Variants in IDI2 observed in about 807,000 individuals in gnomAD.
IDI2 encodes isopentenyl-diphosphate delta isomerase 2, also known as isopentenyl-diphosphate delta-isomerase 2.
A neutral mutation model predicts 14.8 loss-of-function variants in IDI2; 18 were observed. The observed-to-expected ratio is 1.22, with a 90% CI of 0.84 to 1.80. IDI2 has a LOEUF of 1.80. Ranked by LOEUF, IDI2 falls within the 40% of genes most tolerant of loss-of-function variation. The pLI, the probability that IDI2 is intolerant of heterozygous loss-of-function variation, is 0.00. For missense variants in IDI2, 316 were observed against 283.2 expected (o/e 1.12, Z -0.83); for synonymous variants, 133 against 109.6 (o/e 1.21, Z -1.33).
intron 3 of IDI2, among the ~76,000 whole-genome samples, chr10:1,022,237 T>C (rs1376357665): frequency 6.7e-6 from 1 of 149,728 alleles, no homozygotes. Context: ...CCAGCCTGGG[T>C]GACTGAGCCA....
Position 1,019,484 on chromosome 10 carries a change from C to T in IDI2, c.*33G>A. The T allele has an allele frequency of 6.4e-7, 1 of 1,563,770 alleles. No individual in the cohort carries two copies. Among genetic ancestry groups the T allele is most frequent in the Non-Finnish European group, 8.7e-7 (1 of 1,146,284 alleles). On this transcript the variant is annotated 3_prime_UTR_variant, in exon 5 of 5. Transcript: ENST00000277517. ...ATGGTGCGTCTGCCTGCACTGAGGG[C>T]ATTACACATGGCTGACTCGACCTCC...
At chr10:1,020,635 A>G (rs1005308805) in intron 4 of IDI2, 132 bp downstream of exon 4, 35 of 913,922 alleles carry the variant, frequency 3.8e-5, no homozygotes, top group Non-Finnish European at 8.1e-6. Context: ...AGCCCCATCC[A>G]CAGCCCCATC....
chr10:1,020,082 A>G (rs565189918), intron 4 of IDI2: 6 of 553,518 alleles, frequency 1.1e-5, no homozygotes, highest in Non-Finnish European at 1.9e-5. Flanking sequence ...ACCGTGTCAC[A>G]CACACATCCT....
At chr10:1,025,772 T>G (rs1832206623) in intron 1 of IDI2, 44 bp downstream of exon 1, 1 of 152,110 alleles carries the variant, frequency 6.6e-6, no homozygotes. Flanking sequence ...CAAATTTAGA[T>G]CATAAAAGAA....
rs1293282834 is a variant in IDI2 at position 1,019,400 on chromosome 10, G to A, written c.*117C>T. The stretch of plus-strand genomic sequence containing the variant: ...AAGGTTGAAATAGTGATTTATACAT[G>A]ATGGGCAATCAAGTGCCCCTTTTGC... On this transcript the variant is annotated 3_prime_UTR_variant, in exon 5 of 5. Transcript: ENST00000277517. 5.9e-6 allele frequency: 4 copies of A among 675,812 alleles called. No individual in the cohort carries two copies. Among genetic ancestry groups the A allele is most frequent in the Non-Finnish European group, 9.9e-6 (4 of 402,110 alleles). 41.9% of individuals were successfully genotyped at this position (675,812 alleles called of 1,614,324 possible).
chr10:1,019,644 T>G lies in IDI2; in HGVS notation c.557A>C (p.Glu186Ala). The change falls in exon 5 of 5, where the codon GAG (glutamate) becomes GCG (alanine). Residue 186 changes from glutamate to alanine, a missense_variant. Transcript: ENST00000277517. Reference sequence around the variant, plus strand: ...GGTGACTTTGACTTCACCCCTCGCCTCCCTCTCCAGCAGCTCCCACAGCTC... The same window carrying G: ...GGTGACTTTGACTTCACCCCTCGCCGCCCTCTCCAGCAGCTCCCACAGCTC... ...QEELWELLER[E>A]ARGEVKVTPW... 6.2e-7 allele frequency: 1 copy of G among 1,613,972 alleles called. No individual in the cohort carries two copies. Among genetic ancestry groups the G allele is most frequent in the East Asian group, 2.2e-5 (1 of 44,836 alleles).
Position 1,022,732 on chromosome 10 carries a change from C to A in IDI2, c.186G>T (p.Lys62Asn). ...RAFSVVLFNT[K>N]NRILIQQRSD... Reference sequence around the variant, plus strand: ...ACCTCTGCTGTATCAGGATTCGATTCTTGGTGTTAAACAAGACAACGCTGA... The same window carrying A: ...ACCTCTGCTGTATCAGGATTCGATTATTGGTGTTAAACAAGACAACGCTGA... The change falls in exon 3 of 5, where the codon AAG (lysine) becomes AAT (asparagine). Residue 62 changes from lysine (K) to asparagine (N), a missense_variant. Physicochemically the swap from Lys to Asn is moderately conservative, Grantham distance 94. Transcript: ENST00000277517. 6.2e-7 allele frequency: 1 copy of A among 1,614,200 alleles called. No homozygotes were observed. The highest frequency in any genetic ancestry group is 1.1e-5 in the South Asian group (1 of 91,090).
intron 1 of IDI2, 145 bp from the exon 2 acceptor site, chr10:1,024,889 A>C: frequency 1.3e-6 from 1 of 741,294 alleles, no homozygotes; most frequent in Non-Finnish European, 2.2e-6. Flanking sequence ...GTTCTGAGAT[A>C]TGGAAGGTGA....
chr10:1,021,803 G>A (rs142158675), intron 3 of IDI2, among the ~76,000 whole-genome samples: 11 of 152,296 alleles, frequency 7.2e-5, no homozygotes, highest in Admixed American at 6.5e-5. Context: ...TACCCACTGC[G>A]GCTCCGAGGA....
At chr10:1,022,430 C>T (rs56183119) in intron 3 of IDI2, among the ~76,000 whole-genome samples, 14,676 of 152,060 alleles carry the variant, frequency 0.097, 763 homozygotes, top group African/African-American at 0.13. Context: ...AGTAACTTGC[C>T]GTTGCAAAGA....
Position 1,019,638 on chromosome 10 carries a change from C to G in IDI2, c.563G>C (p.Arg188Thr), listed in dbSNP as rs766204721. ...ELWELLEREA[R>T]GEVKVTPWLR... The stretch of plus-strand genomic sequence containing the variant: ...CCAGGGGGTGACTTTGACTTCACCC[C>G]TCGCCTCCCTCTCCAGCAGCTCCCA... The change falls in exon 5 of 5, where the codon AGG (arginine) becomes ACG (threonine). Residue 188 changes from arginine to threonine, a missense_variant. By Grantham distance (71) the Arg-to-Thr change is moderately conservative (BLOSUM62 -1). Coordinates refer to ENST00000277517, the MANE Select transcript of IDI2 (RefSeq NM_033261.3). The G allele has an allele frequency of 3.7e-6, 6 of 1,614,034 alleles. No individual in the cohort carries two copies. Among genetic ancestry groups the G allele is most frequent in the Middle Eastern group, 1.6e-4 (1 of 6,062 alleles).
intron 3 of IDI2, among the ~76,000 whole-genome samples, chr10:1,022,213 G>C (rs1037238534): frequency 1.3e-5 from 2 of 151,510 alleles, no homozygotes; most frequent in South Asian, 2.1e-4. Flanking sequence ...GAGCCGAGAT[G>C]GCGCCACTGC....
In IDI2 at chr10:1,019,519, A is replaced by T. The variant is rs1279396779; in HGVS notation, c.682T>A (p.Ter228ArgextTer23). 14 of 1,610,428 alleles carry T rather than the reference A, an allele frequency of 8.7e-6. No individual in the cohort carries two copies. The highest frequency in any genetic ancestry group is 1.3e-5 in the African/African-American group (1 of 74,704). Residue 228 changes from the stop codon to arginine (R), a stop_lost, in exon 5 of 5, where the codon TGA becomes AGA. Transcript: ENST00000277517. ...GGCTGACTCGACCTCCCTGCCTCTCACACTCTGTGTATTTTGTGAAGCTCC... is the reference window on the plus strand; with the variant it reads ...GGCTGACTCGACCTCCCTGCCTCTCTCACTCTGTGTATTTTGTGAAGCTCC... ...FVELHKIHRV[*>R] is the part of the protein sequence containing the mutation.
In IDI2 at chr10:1,019,588, G is replaced by C; in HGVS notation, c.613C>G (p.Leu205Val). ...TCCAGGTGAGGCCACCACCGGTACA[G>C]AAACCTCTCGGCAATGGTTCTTAGC... Reference protein sequence around the residue: ...PWLRTIAERFLYRWWPHLDDV... With the variant: ...PWLRTIAERFVYRWWPHLDDV... The change falls in exon 5 of 5, where the codon CTG becomes GTG. Residue 205 changes from leucine to valine, a missense_variant. By Grantham distance (32) the Leu-to-Val change is conservative. Transcript: ENST00000277517. The C allele has an allele frequency of 6.2e-7, 1 of 1,614,058 alleles. No homozygotes were observed. The highest frequency in any genetic ancestry group is 8.5e-7 in the Non-Finnish European group (1 of 1,180,002).
intron 4 of IDI2, among the ~76,000 whole-genome samples, chr10:1,020,122 C>A (rs547501566): frequency 6.6e-6 from 1 of 152,190 alleles, no homozygotes; most frequent in African/African-American, 2.4e-5. Context: ...AACCGGCTAG[C>A]GTTGTCAGGA....
chr10:1,022,116 G>T (rs544665766), intron 3 of IDI2, among the ~76,000 whole-genome samples: 1 of 152,178 alleles, frequency 6.6e-6, no homozygotes, highest in East Asian at 1.9e-4. Context: ...AACGTTACCC[G>T]GGTGTGGTGG....
chr10:1,019,996 G>C (rs1348939993), intron 4 of IDI2, 162 bp from the exon 5 acceptor site: 5 of 631,042 alleles, frequency 7.9e-6, no homozygotes, highest in Non-Finnish European at 1.4e-5. Context: ...AAATTTTTGT[G>C]GACTCAAGTC....
intron 4 of IDI2, among the ~76,000 whole-genome samples, chr10:1,020,556 G>A (rs1009934591): frequency 6.6e-6 from 1 of 152,062 alleles, no homozygotes. Flanking sequence ...GGACACATAG[G>A]GACTCACACT....
intron 2 of IDI2, among the ~76,000 whole-genome samples, chr10:1,023,334 G>A (rs1167927150): frequency 6.6e-6 from 1 of 152,006 alleles, no homozygotes; most frequent in Non-Finnish European, 1.5e-5. Flanking sequence ...AAATTAGCTG[G>A]GCGTGGTGGC....
Sources: gnomAD v4.1 joint callset for allele counts (sites outside exome capture counted in the v4.1 genomes callset) on GRCh38, gnomAD v4.1.1 for gene constraint, MANE v1.5 for transcripts, NCBI Gene and HGNC (gene_info 2026-07-23, HGNC 2026-07-21) for gene names.